Variants in TMEM135 observed in about 807,000 individuals in gnomAD.
TMEM135 encodes transmembrane protein 135.
A neutral mutation model predicts 60.3 loss-of-function variants in TMEM135; 30 were observed. That is an observed-to-expected ratio of 0.50 (90% CI 0.37 to 0.68). The LOEUF (loss-of-function observed/expected upper bound fraction) is 0.68, where lower values mean the gene tolerates loss of function less well. TMEM135 is among the 30% of genes least tolerant of loss of function. The pLI, the probability that TMEM135 is intolerant of heterozygous loss-of-function variation, is 0.00. For synonymous variants in TMEM135, 190 were observed against 186.7 expected (o/e 1.02, Z -0.14); for missense variants, 468 against 548.8 (o/e 0.85, Z 1.47).
chr11:87,113,333 C>G (rs1457818726), intron 4 of TMEM135, among the ~76,000 whole-genome samples: 2 of 151,924 alleles, frequency 1.3e-5, no homozygotes, highest in Non-Finnish European at 2.9e-5. Flanking sequence ...AAAGAAAAAC[C>G]TTTTCTCTAA....
At chr11:87,129,213 A>ATTTTTTTTTTTTTTTTTTTTT (rs71040295) in intron 4 of TMEM135, among the ~76,000 whole-genome samples, 6 of 116,160 alleles carry the variant, frequency 5.2e-5, no homozygotes, top group South Asian at 2.8e-4. Flanking sequence ...TTATTCCTTA[A>ATTTTTTTTTTTTTTTTTTTTT]TTTTTTTTTT....
At chr11:87,279,602 A>G (rs1224438032) in intron 6 of TMEM135, among the ~76,000 whole-genome samples, 5 of 152,310 alleles carry the variant, frequency 3.3e-5, no homozygotes, top group East Asian at 1.9e-4. Context: ...TTTTAACTCT[A>G]CTGCCTCAGT....
At chr11:87,053,860 T>C (rs1590981747) in intron 1 of TMEM135, among the ~76,000 whole-genome samples, 1 of 152,348 alleles carries the variant, frequency 6.6e-6, no homozygotes, top group South Asian at 2.1e-4. Flanking sequence ...ATCTTAGTTT[T>C]CTTTCTACTC....
chr11:87,147,759 T>C lies in TMEM135; in HGVS notation c.397-9582T>C, dbSNP rs536499166. ...ACTGTTCTTAAAAACAGTCTCTTGT[T>C]AACTTATTATTTTTTTGAGACAAAG... On this transcript the variant is annotated intron_variant, in intron 4 of 14. Coordinates refer to ENST00000305494, the MANE Select transcript of TMEM135 (RefSeq NM_022918.4). 3.9e-5 allele frequency among the ~76,000 whole-genome samples: 6 copies of C among 152,308 alleles called. No individual in the cohort carries two copies. The South Asian group carries it at 1.0e-3, about 26-fold the overall frequency.
intron 4 of TMEM135, among the ~76,000 whole-genome samples, chr11:87,144,009 T>C (rs1467915134): frequency 6.6e-6 from 1 of 152,214 alleles, no homozygotes; most frequent in Non-Finnish European, 1.5e-5. Context: ...GATTTTACAT[T>C]GTTTTCTGTG....
chr11:87,241,943 G>T (rs1941145704), intron 6 of TMEM135, among the ~76,000 whole-genome samples: 1 of 151,858 alleles, frequency 6.6e-6, no homozygotes, highest in South Asian at 2.1e-4. Flanking sequence ...CCATGCTGAT[G>T]TGCTGCACCC....
At chr11:87,144,977 C>T (rs1328697338) in intron 4 of TMEM135, among the ~76,000 whole-genome samples, 1 of 152,080 alleles carries the variant, frequency 6.6e-6, no homozygotes, top group African/African-American at 2.4e-5. Flanking sequence ...GAAATTTACT[C>T]TGTTAGCAAT....
intron 6 of TMEM135, among the ~76,000 whole-genome samples, chr11:87,291,515 ATTTTTTTTTTTTTTTTT>A (rs869273724): frequency 4.2e-4 from 21 of 50,576 alleles, no homozygotes; most frequent in Admixed American, 1.9e-3. Flanking sequence ...CAGCCAAGTG[ATTTTTTTTTTTTTTTTT>A]TTTTTTTTTT....
rs1049215202 is a variant in TMEM135 at position 87,101,807 on chromosome 11, C to A, written c.396+10412C>A. 4.6e-5 allele frequency among the ~76,000 whole-genome samples: 7 copies of A among 152,084 alleles called. No individual in the cohort carries two copies. In the East Asian group the frequency reaches 1.4e-3, roughly 29 times the overall value. ...CTGACCAACATGGATAAACCCGTCT[C>A]TACTAAAAAAACAAAATTAACCGGG... On this transcript the variant is annotated intron_variant, in intron 4 of 14. Coordinates refer to ENST00000305494, the MANE Select transcript of TMEM135 (RefSeq NM_022918.4).
Position 87,111,666 on chromosome 11 carries a change from A to AAAAAAG in TMEM135, c.396+20281_396+20286dup, listed in dbSNP as rs1555105255. Among the ~76,000 whole-genome samples, 867 of 130,794 alleles carry AAAAAAG rather than the reference A, an allele frequency of 6.6e-3. 19 individuals carry two copies. Among genetic ancestry groups the AAAAAAG allele is most frequent in the Non-Finnish European group, 8.3e-3 (523 of 62,918 alleles). 85.8% of individuals were successfully genotyped at this position (130,794 alleles called of 152,430 possible). A position where few individuals can be genotyped will look rare whatever the true frequency, so the allele number is the denominator to read the frequency against. On this transcript the variant is annotated intron_variant, in intron 4 of 14. Transcript: ENST00000305494. ...ACTCCGTCTCAAAAAAAAAAAAAAA[A>AAAAAAG]AAAAAGAAAAAGAAATTTCCTGCAT... is the stretch of plus-strand genomic sequence containing the variant.
chr11:87,142,514 AC>A, intron 4 of TMEM135, among the ~76,000 whole-genome samples: 1 of 152,306 alleles, frequency 6.6e-6, no homozygotes, highest in East Asian at 1.9e-4. Context: ...TCCGGCATCT[AC>A]TATTTGTGTC....
chr11:87,055,107 T>C (rs1226181283), intron 1 of TMEM135, among the ~76,000 whole-genome samples: 1 of 152,194 alleles, frequency 6.6e-6, no homozygotes, highest in Middle Eastern at 3.2e-3. Context: ...ACGTTCAGAA[T>C]GTTACTAGGC....
At chr11:87,273,680 C>A (rs1414715818) in intron 6 of TMEM135, among the ~76,000 whole-genome samples, 1 of 152,126 alleles carries the variant, frequency 6.6e-6, no homozygotes, top group Non-Finnish European at 1.5e-5. Flanking sequence ...GAGAAAGGAA[C>A]TGAACTACAC....
intron 4 of TMEM135, among the ~76,000 whole-genome samples, chr11:87,092,783 G>T (rs1404082322): frequency 2.9e-5 from 1 of 35,016 alleles, no homozygotes; most frequent in Admixed American, 3.6e-4. Flanking sequence ...CTTTATCTTT[G>T]TTCTCTGTGG....
intron 6 of TMEM135, among the ~76,000 whole-genome samples, chr11:87,259,673 C>T (rs776139814): frequency 6.6e-6 from 1 of 152,164 alleles, no homozygotes; most frequent in Non-Finnish European, 1.5e-5. Context: ...CTAAAATTCA[C>T]AGCAAAACAG....
intron 4 of TMEM135, among the ~76,000 whole-genome samples, chr11:87,118,692 G>A (rs367952066): frequency 1.3e-5 from 2 of 152,014 alleles, no homozygotes; most frequent in African/African-American, 4.8e-5. Context: ...TCCGCCCATC[G>A]TGACCTCCCA....
chr11:87,066,681 C>T (rs1856664937), intron 1 of TMEM135, among the ~76,000 whole-genome samples: 1 of 148,442 alleles, frequency 6.7e-6, no homozygotes, highest in Non-Finnish European at 1.5e-5. Context: ...TTTTATAAAA[C>T]AGTCCTATGA....
At chr11:87,176,389 C>G (rs1285441651) in intron 5 of TMEM135, among the ~76,000 whole-genome samples, 1 of 152,080 alleles carries the variant, frequency 6.6e-6, no homozygotes, top group East Asian at 1.9e-4. Flanking sequence ...GTGTCTTGTA[C>G]AGGCTGCAGA....
At chr11:87,195,491 A>T in intron 5 of TMEM135, among the ~76,000 whole-genome samples, 1 of 151,174 alleles carries the variant, frequency 6.6e-6, no homozygotes, top group East Asian at 1.9e-4. Flanking sequence ...CAATGGCATG[A>T]TCTCAGCTCG....
Sources: allele counts gnomAD v4.1 joint callset (sites outside exome capture counted in the v4.1 genomes callset), GRCh38; gene constraint gnomAD v4.1.1; transcripts MANE v1.5; gene names NCBI Gene and HGNC (gene_info 2026-07-23, HGNC 2026-07-21).